Variants in COG3 observed in about 807,000 individuals in gnomAD.
The protein encoded by COG3 is conserved oligomeric Golgi complex subunit 3.
In COG3, 32 loss-of-function variants were observed where a neutral mutation model predicts 114.1. The observed-to-expected ratio is 0.28, with a 90% CI of 0.21 to 0.38. The LOEUF (loss-of-function observed/expected upper bound fraction) is 0.38. Among genes scored for constraint, COG3 ranks in the 10% least tolerant of loss-of-function variants. COG3 has a pLI of 1.00. For synonymous variants in COG3, 352 were observed against 365.7 expected (o/e 0.96, Z 0.43); for missense variants, 813 against 973.2 (o/e 0.84, Z 2.19).
intron 16 of COG3, among the ~76,000 whole-genome samples, chr13:45,515,651 C>T (rs1009730300): frequency 3.3e-5 from 5 of 152,116 alleles, no homozygotes; most frequent in African/African-American, 1.2e-4. Flanking sequence ...AAAATGGCAA[C>T]CTCAAATCAT....
At chr13:45,520,820 C>G (rs765581409) in intron 19 of COG3, among the ~76,000 whole-genome samples, 7 of 152,162 alleles carry the variant, frequency 4.6e-5, no homozygotes, top group Non-Finnish European at 8.8e-5. Flanking sequence ...AGATAACTTA[C>G]AGTTTTTACT....
At chr13:45,475,811 C>A (rs983437317) in intron 1 of COG3, among the ~76,000 whole-genome samples, 2 of 151,864 alleles carry the variant, frequency 1.3e-5, no homozygotes, top group Admixed American at 1.3e-4. Flanking sequence ...ACCAAAAATA[C>A]AAAAATTAGC....
intron 14 of COG3, among the ~76,000 whole-genome samples, chr13:45,505,852 C>T (rs1415410811): frequency 6.6e-6 from 1 of 152,138 alleles, no homozygotes; most frequent in Non-Finnish European, 1.5e-5. Flanking sequence ...ACCTTGGCCT[C>T]CCAAAGTGCT....
chr13:45,482,613 C>T, intron 6 of COG3, 140 bp downstream of exon 6: 1 of 486,948 alleles, frequency 2.1e-6, no homozygotes, highest in Non-Finnish European at 3.6e-6. Flanking sequence ...GTGATTATTT[C>T]TGTCCAAGGG....
intron 16 of COG3, among the ~76,000 whole-genome samples, chr13:45,513,345 TTATATATAATA>T: frequency 1.5e-5 from 2 of 131,738 alleles, no homozygotes; most frequent in Non-Finnish European, 1.6e-5. Flanking sequence ...TACATATAAA[TTATATATAATA>T]TATACATATA....
Position 45,496,271 on chromosome 13 carries a change from C to T in COG3, c.1447C>T (p.Pro483Ser), listed in dbSNP as rs751320205. ...GGACATCACGGGCTATAAACCAGCTCCTGGAGATCTGGCATATCCCGATAA... is the reference window on the plus strand; with the variant it reads ...GGACATCACGGGCTATAAACCAGCTTCTGGAGATCTGGCATATCCCGATAA... ...QTDITGYKPA[P>S]GDLAYPDKLV... The change falls in exon 13 of 23, where the codon CCT (proline) becomes TCT (serine). Residue 483 changes from proline to serine, a missense_variant. By Grantham distance (74) the Pro-to-Ser change is moderately conservative. Around this residue, in one of 2 missense-constraint regions of COG3, gnomAD observed 389 missense variants for 542.6 expected, o/e 0.72. Coordinates refer to ENST00000349995, the MANE Select transcript of COG3 (RefSeq NM_031431.4). The T allele has an allele frequency of 3.1e-6, 5 of 1,609,486 alleles. No homozygotes were observed. The highest frequency in any genetic ancestry group is 1.3e-5 in the African/African-American group (1 of 74,698).
Position 45,519,019 on chromosome 13 carries a change from G to C in COG3, c.2079G>C (p.Leu693=), listed in dbSNP as rs1286494097. 6.2e-7 allele frequency: 1 copy of C among 1,614,080 alleles called. No homozygotes were observed. The highest frequency in any genetic ancestry group is 1.7e-5 in the Admixed American group (1 of 60,002). The change falls in exon 19 of 23, where the codon CTG becomes CTC. Residue 693 remains leucine (L), a synonymous_variant. Transcript: ENST00000349995. The part of the protein sequence containing the change: ...LDSKKDVDRH[L]KSACEQFIQQ... ...CTAAAAAAGACGTAGACCGTCATCTGAAATCGGCCTGTGAGCAGTTTATTC... is the reference window on the plus strand; with the variant it reads ...CTAAAAAAGACGTAGACCGTCATCTCAAATCGGCCTGTGAGCAGTTTATTC...
rs1870895660 is a variant in COG3, at chr13:45,511,755, A to T, written c.1720-10A>T. The T allele has an allele frequency of 1.2e-6, 2 of 1,607,586 alleles. No homozygotes were observed. The highest frequency in any genetic ancestry group is 8.5e-7 in the Non-Finnish European group (1 of 1,174,640). ...TGCCACAGGCTGATTATTCTCTTTT[A>T]TTCCACCAGAGGGCAGTGTTCCAAG... On this transcript the variant is annotated splice_polypyrimidine_tract_variant and intron_variant, in intron 15 of 22. Coordinates refer to ENST00000349995, the MANE Select transcript of COG3 (RefSeq NM_031431.4).
At chr13:45,530,968 T>G in intron 22 of COG3, 188 bp downstream of exon 22, 1 of 983,898 alleles carries the variant, frequency 1.0e-6, no homozygotes, top group Non-Finnish European at 1.2e-6. Flanking sequence ...TTTTAGAATT[T>G]TCAGTTAATC....
chr13:45,504,592 G>C (rs762646595), intron 14 of COG3, among the ~76,000 whole-genome samples: 32 of 152,198 alleles, frequency 2.1e-4, no homozygotes, highest in Admixed American at 2.0e-4. Context: ...GATAAAGGTG[G>C]TTTGAACCAG....
intron 20 of COG3, among the ~76,000 whole-genome samples, chr13:45,526,460 A>G (rs564155362): frequency 9.9e-5 from 15 of 152,236 alleles, no homozygotes; most frequent in Non-Finnish European, 1.8e-4. Flanking sequence ...GCTATGTATC[A>G]CTTAGGAAGA....
At position 45,464,964 on chromosome 13, in the gene COG3, C is replaced by T; in HGVS notation, c.-73C>T. On this transcript the variant is annotated 5_prime_UTR_variant, in exon 1 of 23. Transcript: ENST00000349995. ...GCAGTGTTGGAAGCTCCGGTTCTCC[C>T]GGAAGTGGCCCAGGTCTCTCTGTCG... is the stretch of plus-strand genomic sequence containing the variant. 2.0e-6 allele frequency: 3 copies of T among 1,491,852 alleles called. No individual in the cohort carries two copies. Among genetic ancestry groups the T allele is most frequent in the South Asian group, 1.3e-5 (1 of 76,498 alleles). 92.4% of individuals were successfully genotyped at this position (1,491,852 alleles called of 1,614,324 possible). A position where few individuals can be genotyped will look rare whatever the true frequency, so the allele number is the denominator to read the frequency against.
chr13:45,503,123 A>ATT (rs1869723589), intron 13 of COG3, 121 bp from the exon 14 acceptor site: 2 of 467,650 alleles, frequency 4.3e-6, no homozygotes, highest in Non-Finnish European at 7.7e-6. Context: ...CCAGTCTTAA[A>ATT]TCTGAATAGT....
chr13:45,494,838 AT>A (rs1278315913), intron 12 of COG3, among the ~76,000 whole-genome samples: 95 of 113,306 alleles, frequency 8.4e-4, no homozygotes, highest in Middle Eastern at 7.0e-3. Flanking sequence ...AATTAATGTG[AT>A]TTTTTTTTTC....
Position 45,481,268 on chromosome 13 carries a change from G to C in COG3, c.588G>C (p.Lys196Asn). The change falls in exon 5 of 23, where the codon AAG (lysine) becomes AAC (asparagine). Residue 196 changes from lysine to asparagine, a missense_variant. Physicochemically the swap from Lys to Asn is moderately conservative, Grantham distance 94. Around this residue, in one of 2 missense-constraint regions of COG3, gnomAD observed 424 missense variants for 430.6 expected, o/e 0.98. Coordinates refer to ENST00000349995, the MANE Select transcript of COG3 (RefSeq NM_031431.4). ...LVDLAENIQQKLSYFNELETI... is the reference protein window; with the variant it reads ...LVDLAENIQQNLSYFNELETI... ...ATCTGGCTGAAAACATTCAACAAAA[G>C]CTTTCCTATTTTAACGAATTGGAAA... The C allele has an allele frequency of 6.3e-7, 1 of 1,599,084 alleles. No homozygotes were observed. The highest frequency in any genetic ancestry group is 1.7e-4 in the Middle Eastern group (1 of 6,000).
intron 1 of COG3, among the ~76,000 whole-genome samples, chr13:45,475,024 T>G (rs1043088761): frequency 3.3e-5 from 5 of 152,194 alleles, no homozygotes; most frequent in Admixed American, 3.3e-4. Context: ...AGGTCTAATA[T>G]TGTCAAAGTG....
chr13:45,527,241 A>C (rs1419218649), intron 20 of COG3, among the ~76,000 whole-genome samples: 1 of 152,248 alleles, frequency 6.6e-6, no homozygotes, highest in Non-Finnish European at 1.5e-5. Context: ...GAATTGTCAT[A>C]GTAAAGCAGG....
intron 22 of COG3, among the ~76,000 whole-genome samples, chr13:45,532,905 C>T (rs534695770): frequency 4.0e-5 from 6 of 151,310 alleles, no homozygotes; most frequent in African/African-American, 1.5e-4. Flanking sequence ...AGGAGAAAAA[C>T]GCGTGTTTTT....
At chr13:45,498,914 T>A (rs1356281532) in intron 13 of COG3, among the ~76,000 whole-genome samples, 1 of 152,118 alleles carries the variant, frequency 6.6e-6, no homozygotes, top group Non-Finnish European at 1.5e-5. Context: ...CACAAGATGA[T>A]ACAGGCGTTC....
Sources: gnomAD v4.1 joint callset for allele counts (sites outside exome capture counted in the v4.1 genomes callset) on GRCh38, gnomAD v4.1.1 for gene constraint, gnomAD v4.1.1 regional missense constraint, MANE v1.5 for transcripts, NCBI Gene and HGNC (gene_info 2026-07-23, HGNC 2026-07-21) for gene names.